Variants in GPC5 observed in about 807,000 individuals in gnomAD.
GPC5 encodes the protein glypican-5.
Under a neutral mutation model 53.9 loss-of-function variants are expected in GPC5, and 47 were observed. That is an observed-to-expected ratio of 0.87 (90% confidence interval 0.69 to 1.11). The LOEUF (loss-of-function observed/expected upper bound fraction) is 1.11, where lower values mean the gene tolerates loss of function less well. Among genes scored for constraint, GPC5 ranks in the 50% most tolerant of loss-of-function variants. GPC5 has a pLI of 0.00. For missense variants in GPC5, 748 were observed against 713.1 expected, an observed-to-expected ratio of 1.05 and a Z score of -0.56; for synonymous variants, 286 against 263.3, an observed-to-expected ratio of 1.09 and a Z score of -0.84.
chr13:91,948,019 T>TC (rs941509716), intron 6 of GPC5, among the ~76,000 whole-genome samples: 1 of 151,836 alleles, frequency 6.6e-6, no homozygotes, highest in Non-Finnish European at 1.5e-5. Flanking sequence ...TGGTTACCAA[T>TC]GTCACGTGAC....
At chr13:92,126,535 GATGGGCCGAATCTAGTCTGCAGCTT>G (rs2138954944) in intron 6 of GPC5, among the ~76,000 whole-genome samples, 1 of 152,296 alleles carries the variant, frequency 6.6e-6, no homozygotes, top group African/African-American at 2.4e-5. Context: ...AACTGCTGCT[GATGGGCCGAATCTAGTCTGCAGCTT>G]ATACGTGTAA....
At chr13:92,458,563 G>A (rs1416849981) in intron 7 of GPC5, among the ~76,000 whole-genome samples, 3 of 152,056 alleles carry the variant, frequency 2.0e-5, no homozygotes, top group Non-Finnish European at 4.4e-5. Context: ...CCCCCAAAGT[G>A]CTGGGATTTC....
At chr13:91,873,122 T>G (rs895687975) in intron 5 of GPC5, among the ~76,000 whole-genome samples, 1 of 152,236 alleles carries the variant, frequency 6.6e-6, no homozygotes, top group South Asian at 2.1e-4. Flanking sequence ...GAAAATGATA[T>G]GCAATTGCCA....
intron 2 of GPC5, among the ~76,000 whole-genome samples, chr13:91,652,163 A>T (rs952021599): frequency 1.3e-5 from 2 of 152,220 alleles, no homozygotes; most frequent in African/African-American, 2.4e-5. Context: ...CAATAAGAGC[A>T]TGTTTCCATT....
chr13:92,751,377 C>A (rs1889394767), intron 7 of GPC5, among the ~76,000 whole-genome samples: 1 of 140,574 alleles, frequency 7.1e-6, no homozygotes, highest in East Asian at 2.4e-4. Flanking sequence ...TAAGTTTCTC[C>A]AGTTCTGGAA....
intron 7 of GPC5, among the ~76,000 whole-genome samples, chr13:92,760,924 G>A (rs766022568): frequency 3.9e-5 from 6 of 151,958 alleles, no homozygotes; most frequent in Non-Finnish European, 7.4e-5. Context: ...TTGTTCAGAA[G>A]CATATTGTTT....
chr13:92,530,688 G>T (rs1456978921), intron 7 of GPC5, among the ~76,000 whole-genome samples: 1 of 152,042 alleles, frequency 6.6e-6, no homozygotes, highest in Non-Finnish European at 1.5e-5. Context: ...TATTTGGGTT[G>T]AGTTCTTTAT....
At chr13:92,247,920 G>A (rs928137408) in intron 7 of GPC5, among the ~76,000 whole-genome samples, 1 of 151,936 alleles carries the variant, frequency 6.6e-6, no homozygotes, top group Admixed American at 6.6e-5. Context: ...TCCTTTGATA[G>A]GTTCTATGAA....
At chr13:91,571,728 T>C (rs1312617964) in intron 2 of GPC5, among the ~76,000 whole-genome samples, 1 of 142,542 alleles carries the variant, frequency 7.0e-6, no homozygotes, top group Non-Finnish European at 1.5e-5. Flanking sequence ...CTGTCTCAAA[T>C]ATATATATAT....
chr13:91,509,813 A>C (rs1292818354), intron 2 of GPC5, among the ~76,000 whole-genome samples: 7 of 152,152 alleles, frequency 4.6e-5, no homozygotes. Flanking sequence ...GATTTCTGGT[A>C]CTTATATCAG....
At chr13:92,040,808 G>A (rs1042864814) in intron 6 of GPC5, among the ~76,000 whole-genome samples, 2 of 152,118 alleles carry the variant, frequency 1.3e-5, no homozygotes, top group Admixed American at 6.6e-5. Context: ...TAGAAGTTTG[G>A]TGATGTTTTT....
intron 5 of GPC5, among the ~76,000 whole-genome samples, chr13:91,815,641 A>T (rs1338687891): frequency 2.0e-5 from 3 of 152,090 alleles, no homozygotes; most frequent in Non-Finnish European, 4.4e-5. Context: ...GCTGTCAATG[A>T]CACCACCAGG....
At chr13:91,814,900 A>G (rs986263878) in intron 5 of GPC5, among the ~76,000 whole-genome samples, 3 of 152,196 alleles carry the variant, frequency 2.0e-5, no homozygotes, top group Non-Finnish European at 2.9e-5. Context: ...CCTATGGTTC[A>G]GTTTCTCTAT....
chr13:92,012,462 G>A (rs575013795), intron 6 of GPC5, among the ~76,000 whole-genome samples: 1 of 152,088 alleles, frequency 6.6e-6, no homozygotes, highest in Admixed American at 6.5e-5. Flanking sequence ...GGATGCCAGA[G>A]AAAATCACAA....
At chr13:91,580,980 T>C (rs536830178) in intron 2 of GPC5, among the ~76,000 whole-genome samples, 1 of 152,302 alleles carries the variant, frequency 6.6e-6, no homozygotes, top group Admixed American at 6.5e-5. Context: ...AACATGTCCT[T>C]CTTCACATGG....
At chr13:91,729,253 T>G (rs1301546516) in intron 4 of GPC5, among the ~76,000 whole-genome samples, 1 of 152,156 alleles carries the variant, frequency 6.6e-6, no homozygotes, top group Admixed American at 6.6e-5. Context: ...TCTACCACCG[T>G]GTCCATCATA....
intron 7 of GPC5, among the ~76,000 whole-genome samples, chr13:92,226,246 G>A (rs2042485124): frequency 1.3e-5 from 2 of 151,996 alleles, no homozygotes; most frequent in South Asian, 4.2e-4. Flanking sequence ...CCAGTCTCGG[G>A]GAGTTTATAG....
intron 7 of GPC5, among the ~76,000 whole-genome samples, chr13:92,747,694 A>G (rs1459509129): frequency 6.6e-6 from 1 of 152,212 alleles, no homozygotes; most frequent in Non-Finnish European, 1.5e-5. Flanking sequence ...ACATTGATGG[A>G]CAAGACCTTC....
At chr13:92,489,788 G>T (rs141808858) in intron 7 of GPC5, among the ~76,000 whole-genome samples, 1 of 151,890 alleles carries the variant, frequency 6.6e-6, no homozygotes, top group African/African-American at 2.4e-5. Context: ...GACAGAGCTG[G>T]GACTAAGGCT....
Sources: gnomAD v4.1 joint callset for allele counts (sites outside exome capture counted in the v4.1 genomes callset) on GRCh38, gnomAD v4.1.1 for gene constraint, MANE v1.5 for transcripts, NCBI Gene and HGNC (gene_info 2026-07-23, HGNC 2026-07-21) for gene names.